MAGI2: variants seen among roughly 807,000 people sequenced by gnomAD.
The protein encoded by MAGI2 is membrane-associated guanylate kinase, WW and PDZ domain-containing protein 2.
A neutral mutation model predicts 133.3 loss-of-function variants in MAGI2; 35 were observed. The ratio of observed to expected loss-of-function variants is 0.26; its 90% CI spans 0.20 to 0.35. The LOEUF is 0.35. Ranked by LOEUF, MAGI2 falls within the 10% of genes least tolerant of loss-of-function variation. The pLI, the probability that MAGI2 is intolerant of heterozygous loss-of-function variation, is 1.00. For missense variants in MAGI2, 1,636 were observed against 1,863.4 expected (o/e 0.88, Z 2.25); for synonymous variants, 729 against 710.6 (o/e 1.03, Z -0.41).
At chr7:78,889,063 C>T (rs534644266) in intron 2 of MAGI2, among the ~76,000 whole-genome samples, 38 of 152,256 alleles carry the variant, frequency 2.5e-4, no homozygotes, top group African/African-American at 7.0e-4. Context: ...AACCATGGCA[C>T]AAGAACTACA....
chr7:79,130,035 T>C (rs1248863951), intron 1 of MAGI2, among the ~76,000 whole-genome samples: 4 of 151,928 alleles, frequency 2.6e-5, no homozygotes, highest in African/African-American at 7.3e-5. Context: ...GCATGGTGGC[T>C]CACACTTGTA....
At chr7:79,198,796 G>A (rs1410667971) in intron 1 of MAGI2, among the ~76,000 whole-genome samples, 3 of 152,010 alleles carry the variant, frequency 2.0e-5, no homozygotes, top group Non-Finnish European at 2.9e-5. Context: ...GCTGAGGCAG[G>A]AGAATCGCTT....
In MAGI2 at chr7:78,289,344, A is replaced by T. The variant is rs190222952; in HGVS notation, c.1409-32763T>A. ...TCAGTAGCTGATTCAGTCAAGTGGAAGAAAGGTATCAGTGATTGAAGATCA... is the reference window on the plus strand; with the variant it reads ...TCAGTAGCTGATTCAGTCAAGTGGATGAAAGGTATCAGTGATTGAAGATCA... On this transcript the variant is annotated intron_variant, in intron 9 of 21. Transcript: ENST00000354212. 3.3e-5 allele frequency among the ~76,000 whole-genome samples: 5 copies of T among 152,328 alleles called. No homozygotes were observed. In the East Asian group the frequency reaches 9.7e-4, roughly 29 times the overall value.
chr7:78,717,062 T>C (rs1159184359), intron 2 of MAGI2, among the ~76,000 whole-genome samples: 1 of 152,060 alleles, frequency 6.6e-6, no homozygotes, highest in Non-Finnish European at 1.5e-5. Context: ...CAGCCCAGCA[T>C]ACCATTCCCA....
chr7:78,122,538 T>C lies in MAGI2; in HGVS notation c.3567+3156A>G, dbSNP rs578025598. ...AGGTAAACCATCTTATAAATAAGCT[T>C]ATGTGATGCTAAATAGGCATACACA... is the stretch of plus-strand genomic sequence containing the variant. On this transcript the variant is annotated intron_variant, in intron 20 of 21. Coordinates refer to ENST00000354212, the MANE Select transcript of MAGI2 (RefSeq NM_012301.4). 4.6e-5 allele frequency among the ~76,000 whole-genome samples: 7 copies of C among 152,296 alleles called. No individual in the cohort carries two copies. The East Asian group carries it at 1.4e-3, about 29-fold the overall frequency.
intron 6 of MAGI2, among the ~76,000 whole-genome samples, chr7:78,436,378 A>G (rs1488477303): frequency 6.6e-6 from 1 of 152,112 alleles, no homozygotes; most frequent in Non-Finnish European, 1.5e-5. Flanking sequence ...CCCTGAAGAG[A>G]AAACATTTTA....
At chr7:78,199,851 T>C (rs1829075935) in intron 11 of MAGI2, among the ~76,000 whole-genome samples, 1 of 152,224 alleles carries the variant, frequency 6.6e-6, no homozygotes, top group African/African-American at 2.4e-5. Flanking sequence ...TTATACCAAA[T>C]GACATAATTT....
intron 4 of MAGI2, among the ~76,000 whole-genome samples, chr7:78,511,999 T>C (rs1045584395): frequency 6.6e-6 from 1 of 151,880 alleles, no homozygotes; most frequent in Non-Finnish European, 1.5e-5. Flanking sequence ...GGCGGGCACC[T>C]GCAGTCCCAG....
At chr7:79,268,495 A>G (rs926596583) in intron 1 of MAGI2, among the ~76,000 whole-genome samples, 2 of 152,236 alleles carry the variant, frequency 1.3e-5, no homozygotes. Context: ...AACCTTTAAC[A>G]TGGTTCAAAG....
intron 2 of MAGI2, among the ~76,000 whole-genome samples, chr7:78,860,928 C>G (rs1794103823): frequency 1.3e-5 from 2 of 152,178 alleles, no homozygotes; most frequent in African/African-American, 4.8e-5. Context: ...TTTACCTACT[C>G]AAGCCTCAGC....
At chr7:78,108,656 GTGTGTGTGTGTGTATACACACATATA>G (rs1472030603) in intron 20 of MAGI2, among the ~76,000 whole-genome samples, 1 of 150,956 alleles carries the variant, frequency 6.6e-6, no homozygotes, top group African/African-American at 2.4e-5. Flanking sequence ...GTGTGTGTGT[GTGTGTGTGTGTGTATACACACATATA>G]TGTGAGTGTA....
intron 6 of MAGI2, among the ~76,000 whole-genome samples, chr7:78,447,919 C>CT (rs1220067166): frequency 6.6e-6 from 1 of 152,114 alleles, no homozygotes; most frequent in African/African-American, 2.4e-5. Flanking sequence ...CCCTACATAC[C>CT]TCTCTGCACC....
chr7:79,036,939 C>T (rs962206363), intron 1 of MAGI2, among the ~76,000 whole-genome samples: 7 of 152,140 alleles, frequency 4.6e-5, no homozygotes, highest in Non-Finnish European at 2.9e-5. Flanking sequence ...ATGTCTTGCT[C>T]ACTTCTTAAA....
At chr7:78,233,042 G>A (rs562051155) in intron 10 of MAGI2, among the ~76,000 whole-genome samples, 1 of 152,290 alleles carries the variant, frequency 6.6e-6, no homozygotes, top group African/African-American at 2.4e-5. Flanking sequence ...AGGCTAAAGA[G>A]ACTGGTGTGG....
Position 78,194,954 on chromosome 7 carries a change from T to C in MAGI2, c.2189A>G (p.Asp730Gly). The C allele has an allele frequency of 6.2e-7, 1 of 1,614,034 alleles. No individual in the cohort carries two copies. Among genetic ancestry groups the C allele is most frequent in the Non-Finnish European group, 8.5e-7 (1 of 1,179,970 alleles). ...PPALHRSSFPDSTEAFDPRKP... is the reference protein window; with the variant it reads ...PPALHRSSFPGSTEAFDPRKP... ...CCGTGGGTCAAAGGCCTCTGTTGAG[T>C]CAGGAAAGGAGCTCCTGTGAAGGGC... Residue 730 changes from aspartate to glycine, a missense_variant, in exon 12 of 22, where the codon GAC (aspartate) becomes GGC (glycine). By Grantham distance (94) the Asp-to-Gly change is moderately conservative. Coordinates refer to ENST00000354212, the MANE Select transcript of MAGI2 (RefSeq NM_012301.4).
rs58130248 is a variant in MAGI2, at chr7:79,317,019, CTT to C, written c.301+135999_301+136000del. Among the ~76,000 whole-genome samples the C allele has an allele frequency of 3.6e-3, 362 of 101,702 alleles. 2 individuals carry two copies. Among genetic ancestry groups the C allele is most frequent in the African/African-American group, 0.013 (341 of 27,256 alleles). The allele number at this position is 101,702 out of a possible 152,430, so 66.7% of individuals were successfully genotyped here. ...ATGTAGGGTTTTTTTTTTTCTTTTT[CTT>C]TTTTTTTTTTTTTTTTTTGAGGCAG... is the stretch of plus-strand genomic sequence containing the variant. On this transcript the variant is annotated intron_variant, in intron 1 of 21. Coordinates refer to ENST00000354212, the MANE Select transcript of MAGI2 (RefSeq NM_012301.4).
intron 2 of MAGI2, among the ~76,000 whole-genome samples, chr7:78,681,939 T>A (rs1330818646): frequency 6.6e-6 from 1 of 152,158 alleles, no homozygotes; most frequent in African/African-American, 2.4e-5. Context: ...ATGGTGAAGA[T>A]GTGCGAAAGA....
chr7:79,447,540 T>C (rs1420765723), intron 1 of MAGI2, among the ~76,000 whole-genome samples: 1 of 152,090 alleles, frequency 6.6e-6, no homozygotes, highest in South Asian at 2.1e-4. Context: ...GCTAAAATTA[T>C]GGGGAAGCTA....
At chr7:78,101,752 T>G (rs1477692930) in intron 20 of MAGI2, among the ~76,000 whole-genome samples, 1 of 152,170 alleles carries the variant, frequency 6.6e-6, no homozygotes, top group Non-Finnish European at 1.5e-5. Context: ...TTTGTACCAC[T>G]GTTGATGGGA....
Sources: allele counts gnomAD v4.1 joint callset (sites outside exome capture counted in the v4.1 genomes callset), GRCh38; gene constraint gnomAD v4.1.1; transcripts MANE v1.5; gene names NCBI Gene and HGNC (gene_info 2026-07-23, HGNC 2026-07-21).